OPA1: variants seen among roughly 807,000 people sequenced by gnomAD.
OPA1 encodes the protein OPA1 mitochondrial dynamin like GTPase, also known as dynamin-like GTPase OPA1, mitochondrial.
In OPA1, 59 loss-of-function variants were observed where a neutral mutation model predicts 152.9. That is an observed-to-expected ratio of 0.39 (90% CI 0.31 to 0.48). The LOEUF (loss-of-function observed/expected upper bound fraction) is 0.48, where lower values mean the gene tolerates loss of function less well. Ranked by LOEUF, OPA1 falls within the 20% of genes least tolerant of loss-of-function variation. The pLI is 0.96. For synonymous variants in OPA1, 400 were observed against 389.9 expected (o/e 1.03, Z -0.31); for missense variants, 1,008 against 1,216.8 (o/e 0.83, Z 2.55).
chr3:193,688,943 A>G (rs1055166900), intron 29 of OPA1: 2 of 152,204 alleles, frequency 1.3e-5, no homozygotes, highest in African/African-American at 4.8e-5. Flanking sequence ...CCGTGTTTGC[A>G]TCACTGCACT....
At chr3:193,683,550 T>C (rs1720487393) in intron 29 of OPA1, among the ~76,000 whole-genome samples, 1 of 152,052 alleles carries the variant, frequency 6.6e-6, no homozygotes, top group Non-Finnish European at 1.5e-5. Flanking sequence ...AAATCTTTCA[T>C]GAAAGGAAGA....
intron 1 of OPA1, among the ~76,000 whole-genome samples, chr3:193,608,606 G>A (rs1016588790): frequency 1.2e-4 from 18 of 152,304 alleles, no homozygotes; most frequent in African/African-American, 4.1e-4. Context: ...ATTTTCTGAG[G>A]AGAGCTTTAT....
chr3:193,637,877 C>A, intron 10 of OPA1, 75 bp from the exon 11 acceptor site: 1 of 1,169,890 alleles, frequency 8.5e-7, no homozygotes, highest in Non-Finnish European at 1.3e-6. Context: ...AAACTCAGAG[C>A]AGCATTACAA....
rs752102991 is a variant in OPA1, at chr3:193,614,971, C to T, written c.281C>T (p.Ala94Val). 6.2e-7 allele frequency: 1 copy of T among 1,614,170 alleles called. No individual in the cohort carries two copies. Among genetic ancestry groups the T allele is most frequent in the Admixed American group, 1.7e-5 (1 of 60,028 alleles). ...AGGAATTTTTGGCCAGCAAGATTAG[C>T]TACGAGACTCTTAAAACTTCGCTAT... ...PRRNFWPARLATRLLKLRYLI... is the reference protein window; with the variant it reads ...PRRNFWPARLVTRLLKLRYLI... Residue 94 changes from alanine to valine, a missense_variant, in exon 2 of 31, where the codon GCT (alanine) becomes GTT (valine). Ala to Val is a moderately conservative substitution (Grantham distance 64). Around this residue, in one of 7 missense-constraint regions of OPA1, gnomAD observed 408 missense variants for 395.1 expected, o/e 1.03. Transcript: ENST00000361510.
At position 193,667,035 on chromosome 3, in the gene OPA1, C is replaced by A. The variant is rs1674647965; in HGVS notation, c.2873-135C>A. On this transcript the variant is annotated intron_variant, in intron 28 of 30. Transcript: ENST00000361510. ...AAAACTACTGTATAACAGAGATTTT[C>A]TATGACTATGAAAAGTATTAGCAAT... is the stretch of plus-strand genomic sequence containing the variant. 2.1e-5 allele frequency: 13 copies of A among 628,836 alleles called. No individual in the cohort carries two copies. The Admixed American group carries it at 2.8e-4, about 14-fold the overall frequency. The allele number at this position is 628,836 out of a possible 1,614,324, so 39.0% of individuals were successfully genotyped here. A position where few individuals can be genotyped will look rare whatever the true frequency, so the allele number is the denominator to read the frequency against.
intron 29 of OPA1, among the ~76,000 whole-genome samples, chr3:193,667,903 G>A (rs749549190): frequency 8.6e-5 from 13 of 152,028 alleles, no homozygotes; most frequent in Admixed American, 5.2e-4. Flanking sequence ...AGATGTTCCA[G>A]GCTCAATACC....
chr3:193,598,616 G>T (rs1725974144), intron 1 of OPA1, among the ~76,000 whole-genome samples: 1 of 152,172 alleles, frequency 6.6e-6, no homozygotes, highest in Middle Eastern at 3.2e-3. Flanking sequence ...TAGAATGTTT[G>T]CAAAAGAGTT....
Position 193,675,833 on chromosome 3 carries a change from T to G in OPA1, c.2983+8553T>G, listed in dbSNP as rs143574807. On this transcript the variant is annotated intron_variant, in intron 29 of 30. Coordinates refer to ENST00000361510, the MANE Select transcript of OPA1 (RefSeq NM_130837.3). ...TATTGTACTGTACACATTTACTGAA[T>G]GTTCGATTGTGATCTTGTAATACAG... 1.2e-3 allele frequency among the ~76,000 whole-genome samples: 190 copies of G among 152,386 alleles called. 1 individual carries two copies. In the Middle Eastern group the frequency reaches 0.014, roughly 11 times the overall value.
At chr3:193,616,465 G>T in intron 3 of OPA1, among the ~76,000 whole-genome samples, 1 of 152,132 alleles carries the variant, frequency 6.6e-6, no homozygotes, top group Admixed American at 6.5e-5. Context: ...ATGCTGCCAA[G>T]TAGCCTTTCT....
chr3:193,623,848 G>A (rs1433308177), intron 6 of OPA1, among the ~76,000 whole-genome samples: 1 of 152,124 alleles, frequency 6.6e-6, no homozygotes, highest in East Asian at 1.9e-4. Context: ...CCATCACTTG[G>A]TATTTAGGGT....
At chr3:193,633,970 G>A (rs550065622) in intron 8 of OPA1, among the ~76,000 whole-genome samples, 2 of 152,104 alleles carry the variant, frequency 1.3e-5, no homozygotes, top group Admixed American at 1.3e-4. Context: ...TACTATGTAG[G>A]TGTTCAATTA....
chr3:193,629,111 T>G (rs1189502736), intron 7 of OPA1, among the ~76,000 whole-genome samples: 1 of 151,862 alleles, frequency 6.6e-6, no homozygotes, highest in Non-Finnish European at 1.5e-5. Context: ...CGGGGTTTCT[T>G]CATGTTGGTC....
At chr3:193,675,327 G>GAAAAAA (rs988338349) in intron 29 of OPA1, among the ~76,000 whole-genome samples, 1 of 63,396 alleles carries the variant, frequency 1.6e-5, no homozygotes, top group African/African-American at 6.1e-5. Flanking sequence ...TTTTTTTTAA[G>GAAAAAA]AAAAAAAAAA....
In OPA1 at chr3:193,642,968, C is replaced by T. The variant is rs1241083808; in HGVS notation, c.1231-7C>T. 1 of 1,612,536 alleles carries T rather than the reference C, an allele frequency of 6.2e-7. No individual in the cohort carries two copies. Among genetic ancestry groups the T allele is most frequent in the Non-Finnish European group, 8.5e-7 (1 of 1,178,682 alleles). Reference sequence around the variant, plus strand: ...AGATTTTCTTAGGATTTTGTGTTTTCCATTAGCTTGCAGCATTAAGACATG... The same window carrying T: ...AGATTTTCTTAGGATTTTGTGTTTTTCATTAGCTTGCAGCATTAAGACATG... On this transcript the variant is annotated splice_polypyrimidine_tract_variant and splice_region_variant and intron_variant, in intron 12 of 30. Coordinates refer to ENST00000361510, the MANE Select transcript of OPA1 (RefSeq NM_130837.3).
chr3:193,662,023 A>C (rs889266700), intron 25 of OPA1, among the ~76,000 whole-genome samples: 9 of 152,284 alleles, frequency 5.9e-5, no homozygotes, highest in East Asian at 1.9e-4. Flanking sequence ...GCAAAAAAAA[A>C]CACTCAGTTT....
At position 193,659,535 on chromosome 3, in the gene OPA1, T is replaced by A; in HGVS notation, c.2494T>A (p.Tyr832Asn). 1 of 1,612,438 alleles carries A rather than the reference T, an allele frequency of 6.2e-7. No individual in the cohort carries two copies. Among genetic ancestry groups the A allele is most frequent in the South Asian group, 1.1e-5 (1 of 90,912 alleles). The change falls in exon 25 of 31, where the codon TAC becomes AAC. Residue 832 changes from tyrosine to asparagine, a missense_variant. Around this residue, in one of 7 missense-constraint regions of OPA1, gnomAD observed 229 missense variants for 269.0 expected, o/e 0.85. Transcript: ENST00000361510. The stretch of plus-strand genomic sequence containing the variant: ...TCCAGACTGGAAAAAGAGGTGGTTA[T>A]ACTGGAAGAATCGGACCCAAGAACA... Reference protein sequence around the residue: ...VGPDWKKRWLYWKNRTQEQCV... With the variant: ...VGPDWKKRWLNWKNRTQEQCV...
intron 27 of OPA1, 30 bp from the exon 28 acceptor site, chr3:193,666,266 T>C (rs1716519811): frequency 6.4e-7 from 1 of 1,570,056 alleles, no homozygotes; most frequent in Non-Finnish European, 8.8e-7. Flanking sequence ...TAACTTTGCA[T>C]CTGGTAATCT....
At chr3:193,619,456 A>G (rs1219813141) in intron 6 of OPA1, 1 of 154,204 alleles carries the variant, frequency 6.5e-6, no homozygotes, top group Non-Finnish European at 1.4e-5. Flanking sequence ...CCTGATATTG[A>G]TAGTTAACAA....
Position 193,643,261 on chromosome 3 carries a change from C to CA in OPA1, c.1306-112_1306-111insA, listed in dbSNP as rs1474868142. 6.2e-4 allele frequency: 570 copies of CA among 925,916 alleles called. 9 individuals are homozygous for CA. In the South Asian group the frequency reaches 7.8e-3, roughly 13 times the overall value. The allele number at this position is 925,916 out of a possible 1,614,324, so 57.4% of individuals were successfully genotyped here. Reference sequence around the variant, plus strand: ...GAAAGAATACCATTTTTGTGAGCGTCTTATCTGAATGGATGAGATATAGAA... The same window carrying CA: ...GAAAGAATACCATTTTTGTGAGCGTCATTATCTGAATGGATGAGATATAGAA... On this transcript the variant is annotated intron_variant, in intron 13 of 30. Transcript: ENST00000361510.
Sources: gnomAD v4.1 joint callset for allele counts (sites outside exome capture counted in the v4.1 genomes callset) on GRCh38, gnomAD v4.1.1 for gene constraint, gnomAD v4.1.1 regional missense constraint, MANE v1.5 for transcripts, NCBI Gene and HGNC (gene_info 2026-07-23, HGNC 2026-07-21) for gene names.